The following GRIK5 variants were observed in gnomAD, a reference collection of about 807,000 sequenced individuals.
GRIK5 encodes glutamate ionotropic receptor kainate type subunit 5.
Under a neutral mutation model 97.4 loss-of-function variants are expected in GRIK5, and 43 were observed. The observed-to-expected ratio is 0.44, with a 90% CI of 0.35 to 0.57. The LOEUF is 0.57. Among genes scored for constraint, GRIK5 ranks in the 20% least tolerant of loss-of-function variants. The pLI is 0.01. For missense variants in GRIK5, 1,015 were observed against 1,382.0 expected (o/e 0.73, Z 4.21); for synonymous variants, 580 against 583.5 (o/e 0.99, Z 0.09).
intron 12 of GRIK5, among the ~76,000 whole-genome samples, chr19:42,027,875 G>C (rs1025561705): frequency 1.3e-5 from 2 of 152,124 alleles, no homozygotes; most frequent in Non-Finnish European, 2.9e-5. Flanking sequence ...TGTCACCCAG[G>C]CTGGAGTTTA....
At chr19:42,033,091 G>A (rs1029563058) in intron 12 of GRIK5, among the ~76,000 whole-genome samples, 3 of 152,308 alleles carry the variant, frequency 2.0e-5, no homozygotes, top group South Asian at 2.1e-4. Flanking sequence ...AGGCTGAAGC[G>A]GGTGGATCAC....
chr19:42,011,819 A>T (rs1278036540), intron 15 of GRIK5, among the ~76,000 whole-genome samples: 1 of 152,050 alleles, frequency 6.6e-6, no homozygotes, highest in Non-Finnish European at 1.5e-5. Context: ...CAAAAAATTT[A>T]AAAAATTAGC....
At position 42,037,560 on chromosome 19, in the gene GRIK5, T is replaced by C. The variant is rs1005541808; in HGVS notation, c.1473+4992A>G. On this transcript the variant is annotated intron_variant, in intron 12 of 19. Transcript: ENST00000593562. ...GACTGACCTTCAGAGATAAGTGGCT[T>C]TGCAGGGATCATGTGGGAGCACTGG... is the stretch of plus-strand genomic sequence containing the variant. Among the ~76,000 whole-genome samples, 6 of 152,308 alleles carry C rather than the reference T, an allele frequency of 3.9e-5. No homozygotes were observed. In the East Asian group the frequency reaches 1.2e-3, roughly 29 times the overall value.
At chr19:42,009,061 T>C (rs2146022998) in intron 15 of GRIK5, among the ~76,000 whole-genome samples, 1 of 151,872 alleles carries the variant, frequency 6.6e-6, no homozygotes, top group African/African-American at 2.4e-5. Flanking sequence ...ACCCTGTCTC[T>C]ACAGAAAAAT....
chr19:42,061,241 G>T (rs971242650), intron 5 of GRIK5, among the ~76,000 whole-genome samples: 7 of 152,082 alleles, frequency 4.6e-5, no homozygotes, highest in Non-Finnish European at 7.4e-5. Context: ...TAGAGACGGG[G>T]TTTCACCATT....
Position 42,056,791 on chromosome 19 carries a change from C to A in GRIK5, c.774G>T (p.Val258=). ...DFPILHLDGI[V]EDSSNILGFS... The stretch of plus-strand genomic sequence containing the variant: ...AGCCCAGGATGTTGGAGGAGTCCTC[C>A]ACAATACCGTCCAGATGCAGGATGG... Residue 258 remains valine (V), a synonymous_variant, in exon 8 of 20, where the codon GTG becomes GTT. Transcript: ENST00000593562. 1.9e-6 allele frequency: 3 copies of A among 1,614,106 alleles called. No homozygotes were observed. Among genetic ancestry groups the A allele is most frequent in the Non-Finnish European group, 2.5e-6 (3 of 1,180,022 alleles).
In GRIK5 at chr19:42,042,722, G is replaced by C. The variant is rs750259624; in HGVS notation, c.1303C>G (p.Gln435Glu). 1.9e-6 allele frequency: 3 copies of C among 1,613,750 alleles called. No homozygotes were observed. The highest frequency in any genetic ancestry group is 2.5e-6 in the Non-Finnish European group (3 of 1,180,000). The change falls in exon 12 of 20, where the codon CAG becomes GAG. Residue 435 changes from glutamine to glutamate, a missense_variant. Coordinates refer to ENST00000593562, the MANE Select transcript of GRIK5 (RefSeq NM_002088.5). The surrounding 1 kb of genome is among the most constrained non-coding windows in gnomAD (Gnocchi z 6.9). ...NPYVMRRPNF[Q>E]ALSGNERFEG... ...AAGCGTTCGTTCCCCGACAGGGCCT[G>C]GAAGTTGGGCCGGCGCATGACGTAT... is the stretch of plus-strand genomic sequence containing the variant.
intron 1 of GRIK5, chr19:42,068,602 C>T (rs923942234): frequency 5.8e-5 from 24 of 416,736 alleles, no homozygotes; most frequent in African/African-American, 2.3e-4. Flanking sequence ...GACAGGTGAG[C>T]GGAGGCACAG....
chr19:42,050,657 CAAA>C (rs1188154896), intron 11 of GRIK5, among the ~76,000 whole-genome samples: 8 of 58,720 alleles, frequency 1.4e-4, no homozygotes, highest in Non-Finnish European at 1.0e-4. Context: ...GACTCTGTCT[CAAA>C]AAAAAAAAAA....
chr19:42,025,549 G>A (rs946721106), intron 12 of GRIK5, among the ~76,000 whole-genome samples: 44 of 152,122 alleles, frequency 2.9e-4, no homozygotes, highest in African/African-American at 9.9e-4. Flanking sequence ...TCCACATCCA[G>A]TCTTCCAGCC....
At chr19:42,051,205 G>C (rs1346885976) in intron 11 of GRIK5, among the ~76,000 whole-genome samples, 1 of 152,092 alleles carries the variant, frequency 6.6e-6, no homozygotes. Flanking sequence ...CAGCGGCTGA[G>C]GAGGGCGGGC....
At position 42,059,331 on chromosome 19, in the gene GRIK5, C is replaced by CA; in HGVS notation, c.687+17dup. 6.3e-7 allele frequency: 1 copy of CA among 1,592,114 alleles called. No homozygotes were observed. Among genetic ancestry groups the CA allele is most frequent in the Non-Finnish European group, 8.6e-7 (1 of 1,162,174 alleles). On this transcript the variant is annotated intron_variant, in intron 6 of 19. Coordinates refer to ENST00000593562, the MANE Select transcript of GRIK5 (RefSeq NM_002088.5). ...TTCTGGCCCCAGTCCTTTGGGAAAT[C>CA]AGAGGTAGGGGCCTCACCTTACGGA...
At chr19:42,061,764 C>T (rs1438117738) in intron 5 of GRIK5, among the ~76,000 whole-genome samples, 2 of 152,184 alleles carry the variant, frequency 1.3e-5, no homozygotes, top group Non-Finnish European at 2.9e-5. Flanking sequence ...GTCGCCTCTC[C>T]CCTGCCTTTC....
chr19:42,068,981 A>G, intron 1 of GRIK5: 1 of 570,138 alleles, frequency 1.8e-6, no homozygotes, highest in Non-Finnish European at 3.2e-6. Flanking sequence ...AGCCCAAGTA[A>G]GAGCAATCAG....
chr19:42,005,576 T>C (rs1239279401), intron 17 of GRIK5, 147 bp downstream of exon 17: 1 of 631,754 alleles, frequency 1.6e-6, no homozygotes, highest in South Asian at 1.8e-5. Context: ...AGGACGGTGA[T>C]GTCGCCTGCC....
intron 15 of GRIK5, among the ~76,000 whole-genome samples, chr19:42,015,364 A>G (rs1568889171): frequency 6.6e-6 from 1 of 152,222 alleles, no homozygotes; most frequent in East Asian, 1.9e-4. Flanking sequence ...GTGCAACTCC[A>G]CATAGAACAG....
rs979140660 is a variant in GRIK5, at chr19:42,056,332, G to C, written c.903+330C>G. ...AGGAGGAAGGAAAAATCTTATACCT[G>C]AGGGGACACTGGAGCAATGTCCTAG... On this transcript the variant is annotated intron_variant, in intron 8 of 19. Transcript: ENST00000593562. 2.6e-5 allele frequency among the ~76,000 whole-genome samples: 4 copies of C among 152,154 alleles called. No individual in the cohort carries two copies. In the South Asian group the frequency reaches 8.3e-4, roughly 32 times the overall value.
At chr19:42,061,852 C>T (rs536577466) in intron 5 of GRIK5, among the ~76,000 whole-genome samples, 2 of 152,322 alleles carry the variant, frequency 1.3e-5, no homozygotes, top group East Asian at 3.9e-4. Flanking sequence ...TCCTAGAACA[C>T]GAATCTGACC....
chr19:42,032,856 A>T (rs955938482), intron 12 of GRIK5, among the ~76,000 whole-genome samples: 6 of 152,290 alleles, frequency 3.9e-5, no homozygotes, highest in African/African-American at 1.4e-4. Flanking sequence ...AACCAAGGCA[A>T]CATCTTCTCT....
Sources: allele counts gnomAD v4.1 joint callset (sites outside exome capture counted in the v4.1 genomes callset), GRCh38; gene constraint gnomAD v4.1.1; non-coding constraint Gnocchi (gnomAD v3.1); transcripts MANE v1.5; gene names NCBI Gene and HGNC (gene_info 2026-07-23, HGNC 2026-07-21).